Variants in TRIM33 observed in about 807,000 individuals in gnomAD.
The protein encoded by TRIM33 is E3 ubiquitin-protein ligase TRIM33.
Under a neutral mutation model 125.4 loss-of-function variants are expected in TRIM33, and 20 were observed. The observed-to-expected ratio is 0.16, with a 90% CI of 0.11 to 0.23. TRIM33 has a LOEUF of 0.23. Ranked by LOEUF, TRIM33 falls within the 10% of genes least tolerant of loss-of-function variation. The pLI is 1.00. For missense variants in TRIM33, 920 were observed against 1,411.4 expected (o/e 0.65, Z 5.58); for synonymous variants, 564 against 513.9 (o/e 1.10, Z -1.32).
intron 1 of TRIM33, among the ~76,000 whole-genome samples, chr1:114,473,533 G>A (rs556392328): frequency 1.3e-5 from 2 of 152,086 alleles, no homozygotes; most frequent in Admixed American, 6.6e-5. Flanking sequence ...GCAGGAAATC[G>A]GAATGAATCA....
chr1:114,398,060 T>A, intron 18 of TRIM33, 70 bp from the exon 19 acceptor site: 13 of 1,540,116 alleles, frequency 8.4e-6, no homozygotes, highest in Non-Finnish European at 1.1e-5. Context: ...TGAGACTGCA[T>A]AGGATTGGCG....
intron 4 of TRIM33, among the ~76,000 whole-genome samples, chr1:114,453,364 GA>G (rs369947780): frequency 0.013 from 1,699 of 130,906 alleles, 9 homozygotes; most frequent in Middle Eastern, 0.02. Flanking sequence ...TCTGTCTCAG[GA>G]AAAAAAAAAA....
At chr1:114,430,541 C>T (rs1323550242) in intron 6 of TRIM33, among the ~76,000 whole-genome samples, 1 of 152,158 alleles carries the variant, frequency 6.6e-6, no homozygotes, top group Non-Finnish European at 1.5e-5. Context: ...CATACCCAGT[C>T]TTAGTAACAA....
At chr1:114,442,876 T>C (rs930467788) in intron 4 of TRIM33, among the ~76,000 whole-genome samples, 10 of 151,978 alleles carry the variant, frequency 6.6e-5, no homozygotes, top group African/African-American at 2.2e-4. Context: ...TAATATAAGA[T>C]TCTTATCTAA....
At chr1:114,424,216 G>A (rs1439176603) in intron 10 of TRIM33, among the ~76,000 whole-genome samples, 1 of 151,966 alleles carries the variant, frequency 6.6e-6, no homozygotes, top group African/African-American at 2.4e-5. Context: ...TATATATTAG[G>A]ATCAAAAAGC....
chr1:114,442,108 T>C (rs1648688598), intron 4 of TRIM33, among the ~76,000 whole-genome samples: 1 of 152,220 alleles, frequency 6.6e-6, no homozygotes, highest in African/African-American at 2.4e-5. Context: ...TTTTTCATTA[T>C]TGTATAGCTA....
At chr1:114,429,264 C>G (rs7541954) in intron 6 of TRIM33, among the ~76,000 whole-genome samples, 1 of 151,500 alleles carries the variant, frequency 6.6e-6, no homozygotes, top group African/African-American at 2.4e-5. Flanking sequence ...CTTGCCTCAC[C>G]GCAACCTCCA....
At chr1:114,473,495 G>A (rs1650781899) in intron 1 of TRIM33, among the ~76,000 whole-genome samples, 1 of 152,062 alleles carries the variant, frequency 6.6e-6, no homozygotes, top group Non-Finnish European at 1.5e-5. Flanking sequence ...GGGGTGAGTG[G>A]TTTGGCAGGA....
chr1:114,507,674 TC>T (rs1321831870), intron 1 of TRIM33, among the ~76,000 whole-genome samples: 1 of 152,242 alleles, frequency 6.6e-6, no homozygotes, highest in Admixed American at 6.5e-5. Flanking sequence ...AGTATGAACT[TC>T]CTTTAGCGTA....
At chr1:114,455,547 A>C (rs564521965) in intron 4 of TRIM33, among the ~76,000 whole-genome samples, 1 of 152,210 alleles carries the variant, frequency 6.6e-6, no homozygotes, top group Non-Finnish European at 1.5e-5. Context: ...ATCAGAGTTA[A>C]GTCATAAGAA....
At chr1:114,478,141 A>G (rs1404305797) in intron 1 of TRIM33, among the ~76,000 whole-genome samples, 2 of 152,222 alleles carry the variant, frequency 1.3e-5, no homozygotes, top group Non-Finnish European at 2.9e-5. Context: ...AAAGACTGCT[A>G]AAGTTTCAGG....
At chr1:114,401,245 CTA>C in intron 17 of TRIM33, 142 bp downstream of exon 17, 1 of 450,474 alleles carries the variant, frequency 2.2e-6, no homozygotes, top group Non-Finnish European at 3.9e-6. Context: ...ACCGTGGTCT[CTA>C]TTTCCTGACC....
At chr1:114,467,834 T>A (rs1336758419) in intron 1 of TRIM33, among the ~76,000 whole-genome samples, 1 of 152,226 alleles carries the variant, frequency 6.6e-6, no homozygotes, top group African/African-American at 2.4e-5. Flanking sequence ...CTCTTTCCAA[T>A]ATTCTCAAGC....
At chr1:114,451,923 T>G (rs1426660083) in intron 4 of TRIM33, among the ~76,000 whole-genome samples, 1 of 152,154 alleles carries the variant, frequency 6.6e-6, no homozygotes, top group Non-Finnish European at 1.5e-5. Context: ...ACTGTATAAA[T>G]GGATGATTAT....
rs929040891 is a variant in TRIM33 at position 114,501,169 on chromosome 1, G to A, written c.526+9382C>T. Among the ~76,000 whole-genome samples, 5 of 56,338 alleles carry A rather than the reference G, an allele frequency of 8.9e-5. 1 individual carries two copies. The highest frequency in any genetic ancestry group is 5.0e-4 in the African/African-American group (5 of 10,038). 37.0% of individuals were successfully genotyped at this position (56,338 alleles called of 152,430 possible). A position where few individuals can be genotyped will look rare whatever the true frequency, so the allele number is the denominator to read the frequency against. ...CCCGCCACTGCACTCCAGCCTGGGC[G>A]ACAGAGCGAGACTCCGTCTCAAAAA... On this transcript the variant is annotated intron_variant, in intron 1 of 19. Transcript: ENST00000358465.
chr1:114,419,897 A>T (rs1653171355), intron 11 of TRIM33, among the ~76,000 whole-genome samples: 1 of 152,190 alleles, frequency 6.6e-6, no homozygotes, highest in Non-Finnish European at 1.5e-5. Flanking sequence ...ATAAAATTTT[A>T]AAAAGTTTGA....
intron 13 of TRIM33, among the ~76,000 whole-genome samples, chr1:114,407,358 G>GCACA (rs1322249688): frequency 6.6e-6 from 1 of 150,974 alleles, no homozygotes; most frequent in African/African-American, 2.4e-5. Flanking sequence ...ACACACACAC[G>GCACA]CACACACACA....
chr1:114,497,483 T>C lies in TRIM33; in HGVS notation c.526+13068A>G, dbSNP rs1652441009. The stretch of plus-strand genomic sequence containing the variant: ...AGCGAATTTTTTTTTGTATTTTTAG[T>C]AGAGATGAGGTTTCACCACATTGGC... On this transcript the variant is annotated intron_variant, in intron 1 of 19. Transcript: ENST00000358465. 2.0e-5 allele frequency among the ~76,000 whole-genome samples: 3 copies of C among 151,920 alleles called. No individual in the cohort carries two copies. The South Asian group carries it at 6.2e-4, about 32-fold the overall frequency.
chr1:114,428,074 AAGTC>A (rs775156914), intron 6 of TRIM33, among the ~76,000 whole-genome samples, 180 bp from the exon 7 acceptor site: 6 of 152,240 alleles, frequency 3.9e-5, no homozygotes, highest in Non-Finnish European at 7.3e-5. Context: ...GTGGGACTAA[AAGTC>A]AGTTCTCTAA....
Sources: gnomAD v4.1 joint callset for allele counts (sites outside exome capture counted in the v4.1 genomes callset) on GRCh38, gnomAD v4.1.1 for gene constraint, MANE v1.5 for transcripts, NCBI Gene and HGNC (gene_info 2026-07-23, HGNC 2026-07-21) for gene names.